Variants in FAF2 observed in about 807,000 individuals in gnomAD.
FAF2 encodes the protein FAS-associated factor 2.
A neutral mutation model predicts 62.3 loss-of-function variants in FAF2; 9 were observed. That is an observed-to-expected ratio of 0.14 (90% CI 0.09 to 0.25). The LOEUF (loss-of-function observed/expected upper bound fraction) is 0.25. Ranked by LOEUF, FAF2 falls within the 10% of genes least tolerant of loss-of-function variation. The pLI, the probability that FAF2 is intolerant of heterozygous loss-of-function variation, is 1.00. For synonymous variants in FAF2, 202 were observed against 198.0 expected, an observed-to-expected ratio of 1.02 and a Z score of -0.17; for missense variants, 368 against 556.2, an observed-to-expected ratio of 0.66 and a Z score of 3.40.
chr5:176,475,816 G>A (rs1295665855), intron 1 of FAF2, among the ~76,000 whole-genome samples: 6 of 151,798 alleles, frequency 4.0e-5, no homozygotes, highest in Admixed American at 2.0e-4. Flanking sequence ...TTCCCAGCTC[G>A]GCTGTACATT....
rs758178266 is a variant in FAF2, at chr5:176,492,243, C to G, written c.394C>G (p.Pro132Ala). 6 of 1,613,976 alleles carry G rather than the reference C, an allele frequency of 3.7e-6. No individual in the cohort carries two copies. The East Asian group carries it at 1.3e-4, about 36-fold the overall frequency. ...TGACCCTCGCAGCCGGGTCACTGAC[C>G]CCGTTGGGGACATTGTTTCATTTAT... ...RPDPRSRVTD[P>A]VGDIVSFMHS... The change falls in exon 5 of 11, where the codon CCC becomes GCC. Residue 132 changes from proline (P) to alanine (A), a missense_variant. By Grantham distance (27) the Pro-to-Ala change is conservative (BLOSUM62 -1). Around this residue, in one of 2 missense-constraint regions of FAF2, gnomAD observed 331 missense variants for 441.9 expected, o/e 0.75. Coordinates refer to ENST00000261942, the MANE Select transcript of FAF2 (RefSeq NM_014613.3).
chr5:176,506,698 CGTGTGTGCGTGT>C, intron 10 of FAF2, 58 bp from the exon 11 acceptor site: 9 of 175,080 alleles, frequency 5.1e-5, no homozygotes, highest in Admixed American at 1.3e-4. Flanking sequence ...GTTGTGTGTG[CGTGTGTGCGTGT>C]GTGTGTGTGT....
chr5:176,478,164 T>C (rs1758734515), intron 1 of FAF2, among the ~76,000 whole-genome samples: 2 of 152,150 alleles, frequency 1.3e-5, no homozygotes, highest in Non-Finnish European at 2.9e-5. Context: ...TGCTGAATAT[T>C]GGACATCTGA....
At chr5:176,455,121 A>G (rs1302259192) in intron 1 of FAF2, among the ~76,000 whole-genome samples, 1 of 152,352 alleles carries the variant, frequency 6.6e-6, no homozygotes, top group East Asian at 1.9e-4. Context: ...AGTTAACTGT[A>G]AATGACTTAG....
chr5:176,472,728 AAAAAAAAG>A (rs1758594275), intron 1 of FAF2, among the ~76,000 whole-genome samples: 1 of 151,582 alleles, frequency 6.6e-6, no homozygotes, highest in East Asian at 1.9e-4. Flanking sequence ...ACAAAAAAAA[AAAAAAAAG>A]AAAAGAAAGA....
rs1561813464 is a variant in FAF2 at position 176,451,831 on chromosome 5, T to TATATATAC, written c.63+3368_63+3369insCATATATA. On this transcript the variant is annotated intron_variant, in intron 1 of 10. Coordinates refer to ENST00000261942, the MANE Select transcript of FAF2 (RefSeq NM_014613.3). ...ATATACACACATATATATATATACA[T>TATATATAC]ATATATATATACACACATATATATA... 1.3e-3 allele frequency among the ~76,000 whole-genome samples: 34 copies of TATATATAC among 25,984 alleles called. 1 individual carries two copies. The highest frequency in any genetic ancestry group is 3.1e-3 in the African/African-American group (19 of 6,104). The allele number at this position is 25,984 out of a possible 152,430, so 17.0% of individuals were successfully genotyped here.
intron 3 of FAF2, among the ~76,000 whole-genome samples, 168 bp from the exon 4 acceptor site, chr5:176,488,783 C>T (rs1758918958): frequency 6.6e-6 from 1 of 151,950 alleles, no homozygotes; most frequent in South Asian, 2.1e-4. Flanking sequence ...GAAATAAGAC[C>T]AAAGATGGTG....
At chr5:176,498,148 G>A (rs1003394841) in intron 8 of FAF2, among the ~76,000 whole-genome samples, 5 of 152,180 alleles carry the variant, frequency 3.3e-5, no homozygotes, top group Admixed American at 2.6e-4. Context: ...AAAGAAAAAT[G>A]CAAGATCAAA....
At chr5:176,448,585 G>T in intron 1 of FAF2, 115 bp downstream of exon 1, 1 of 1,050,526 alleles carries the variant, frequency 9.5e-7, no homozygotes, top group Non-Finnish European at 1.4e-6. Context: ...CAGCAGGCCG[G>T]CCCCCTCCCC....
intron 1 of FAF2, among the ~76,000 whole-genome samples, chr5:176,475,639 C>G (rs555444861): frequency 2.6e-5 from 4 of 152,124 alleles, no homozygotes; most frequent in Non-Finnish European, 4.4e-5. Flanking sequence ...GTGGTGGCAG[C>G]CACCTGTAAT....
chr5:176,474,749 A>G (rs932635920), intron 1 of FAF2, among the ~76,000 whole-genome samples: 1 of 152,168 alleles, frequency 6.6e-6, no homozygotes, highest in Non-Finnish European at 1.5e-5. Flanking sequence ...TGAGCACCCA[A>G]TCTAAAGGAA....
chr5:176,492,360 A>C (rs762870302), intron 5 of FAF2, 28 bp downstream of exon 5: 2 of 1,593,460 alleles, frequency 1.3e-6, no homozygotes, highest in South Asian at 2.2e-5. Context: ...TATAGATGCC[A>C]ACTTACCGAA....
chr5:176,473,627 A>T (rs1416315244), intron 1 of FAF2, among the ~76,000 whole-genome samples: 5 of 152,184 alleles, frequency 3.3e-5, no homozygotes, highest in South Asian at 2.1e-4. Context: ...TATATAAGTT[A>T]CTTGGAATTC....
chr5:176,466,679 T>C (rs1034867992), intron 1 of FAF2, among the ~76,000 whole-genome samples: 2 of 152,244 alleles, frequency 1.3e-5, no homozygotes, highest in Non-Finnish European at 2.9e-5. Flanking sequence ...AAAGCTAGTC[T>C]GCAAGTGACT....
At chr5:176,493,924 C>T in intron 5 of FAF2, 75 bp from the exon 6 acceptor site, 2 of 954,854 alleles carry the variant, frequency 2.1e-6, no homozygotes, top group South Asian at 2.9e-5. Flanking sequence ...TAACTGTATC[C>T]ATTAGGACCC....
chr5:176,463,039 T>C (rs1758405331), intron 1 of FAF2, among the ~76,000 whole-genome samples: 1 of 152,136 alleles, frequency 6.6e-6, no homozygotes, highest in Non-Finnish European at 1.5e-5. Context: ...AACATACTTA[T>C]TGTTTGTGTT....
At chr5:176,473,037 A>C (rs1316209433) in intron 1 of FAF2, among the ~76,000 whole-genome samples, 1 of 152,246 alleles carries the variant, frequency 6.6e-6, no homozygotes, top group Non-Finnish European at 1.5e-5. Context: ...TTTCTTATTA[A>C]CACCTTGCAT....
chr5:176,459,473 C>T (rs1758336933), intron 1 of FAF2, among the ~76,000 whole-genome samples: 1 of 152,008 alleles, frequency 6.6e-6, no homozygotes, highest in Non-Finnish European at 1.5e-5. Flanking sequence ...TTATGTTGTC[C>T]AGGCTGGTCT....
In FAF2 at chr5:176,454,577, G is replaced by GAAAA. The variant is rs56324116; in HGVS notation, c.63+6138_63+6141dup. On this transcript the variant is annotated intron_variant, in intron 1 of 10. Transcript: ENST00000261942. ...TGGGCAACAGAGCCAGATTCTGTCTGAAAAAAAAAAAAAAAAAAAAAAAAA... is the reference window on the plus strand; with the variant it reads ...TGGGCAACAGAGCCAGATTCTGTCTGAAAAAAAAAAAAAAAAAAAAAAAAAAAAA... 1.2e-3 allele frequency among the ~76,000 whole-genome samples: 118 copies of GAAAA among 95,284 alleles called. 2 individuals carry two copies. The highest frequency in any genetic ancestry group is 2.4e-3 in the African/African-American group (55 of 23,214). The allele number at this position is 95,284 out of a possible 152,430, so 62.5% of individuals were successfully genotyped here.
Sources: allele counts gnomAD v4.1 joint callset (sites outside exome capture counted in the v4.1 genomes callset), GRCh38; gene constraint gnomAD v4.1.1; regional missense constraint gnomAD v4.1.1; transcripts MANE v1.5; gene names NCBI Gene and HGNC (gene_info 2026-07-23, HGNC 2026-07-21).